AUTS2: variants seen among roughly 807,000 people sequenced by gnomAD.
AUTS2 encodes autism susceptibility gene 2 protein.
AUTS2 carries 17 observed loss-of-function variants against 112.4 expected under a neutral mutation model. The ratio of observed to expected loss-of-function variants is 0.15; its 90% confidence interval spans 0.10 to 0.23. The LOEUF (loss-of-function observed/expected upper bound fraction) is 0.23, where lower values mean the gene tolerates loss of function less well. Among genes scored for constraint, AUTS2 ranks in the 10% least tolerant of loss-of-function variants. The probability of loss-of-function intolerance (pLI) is 1.00; values close to 1 mark genes in which losing one functional copy is unlikely to be tolerated. For synonymous variants in AUTS2, 751 were observed against 702.7 expected, an observed-to-expected ratio of 1.07 and a Z score of -1.09; for missense variants, 1,510 against 1,701.6, an observed-to-expected ratio of 0.89 and a Z score of 1.98.
At chr7:70,656,000 C>T (rs1806750684) in intron 5 of AUTS2, among the ~76,000 whole-genome samples, 1 of 152,156 alleles carries the variant, frequency 6.6e-6, no homozygotes, top group Non-Finnish European at 1.5e-5. Context: ...TGATGCCCAC[C>T]AGGATCGAGC....
chr7:70,064,367 G>A (rs775912346), intron 2 of AUTS2, among the ~76,000 whole-genome samples: 3 of 152,224 alleles, frequency 2.0e-5, no homozygotes, highest in South Asian at 4.1e-4. Context: ...CTTTTATAAC[G>A]GGGTCAGCTC....
At chr7:69,723,864 G>A (rs906348955) in intron 1 of AUTS2, among the ~76,000 whole-genome samples, 6 of 152,182 alleles carry the variant, frequency 3.9e-5, no homozygotes, top group African/African-American at 1.4e-4. Flanking sequence ...TGGATGAGTA[G>A]TCTTAGTCTG....
intron 5 of AUTS2, among the ~76,000 whole-genome samples, chr7:70,440,648 G>T (rs890980724): frequency 2.0e-5 from 3 of 152,214 alleles, no homozygotes; most frequent in African/African-American, 7.2e-5. Flanking sequence ...CCTGGACACA[G>T]GCTGAATGGA....
intron 5 of AUTS2, among the ~76,000 whole-genome samples, chr7:70,498,004 G>A (rs1040921003): frequency 1.3e-5 from 2 of 152,236 alleles, no homozygotes; most frequent in Admixed American, 6.5e-5. Context: ...CATAATGCAT[G>A]TGTCAGATGG....
intron 5 of AUTS2, among the ~76,000 whole-genome samples, chr7:70,496,811 C>T (rs1364848971): frequency 1.2e-4 from 16 of 128,022 alleles, no homozygotes; most frequent in African/African-American, 2.4e-4. Context: ...CACATGCACA[C>T]GTCACATCAG....
At chr7:70,039,180 G>A (rs991711163) in intron 2 of AUTS2, among the ~76,000 whole-genome samples, 3 of 152,052 alleles carry the variant, frequency 2.0e-5, no homozygotes, top group African/African-American at 4.8e-5. Context: ...AGCAACCCAC[G>A]AATTTTACCT....
rs149287210 is a variant in AUTS2, at chr7:70,761,381, G to A, written c.743-1489G>A. Among the ~76,000 whole-genome samples the A allele has an allele frequency of 5.9e-3, 893 of 152,318 alleles. 12 individuals are homozygous for A. The highest frequency in any genetic ancestry group is 0.02 in the African/African-American group (839 of 41,572). On this transcript the variant is annotated intron_variant, in intron 6 of 18. Coordinates refer to ENST00000342771, the MANE Select transcript of AUTS2 (RefSeq NM_015570.4). ...AACAAGAATACCACATACTTTTCCC[G>A]TTTGATACAATGAGGTAAGAGGAGA...
intron 4 of AUTS2, among the ~76,000 whole-genome samples, chr7:70,381,220 TA>T (rs1793353601): frequency 6.6e-6 from 1 of 152,168 alleles, no homozygotes; most frequent in African/African-American, 2.4e-5. Context: ...ATTCACAAGA[TA>T]AAGAAGAGGG....
chr7:69,864,274 TC>T (rs1225664853), intron 1 of AUTS2, among the ~76,000 whole-genome samples: 2 of 152,178 alleles, frequency 1.3e-5, no homozygotes, highest in Admixed American at 1.3e-4. Flanking sequence ...GTTCTTTTTT[TC>T]CCCCTACGGT....
At chr7:70,376,019 TAAA>T (rs536175849) in intron 4 of AUTS2, among the ~76,000 whole-genome samples, 2 of 141,534 alleles carry the variant, frequency 1.4e-5, no homozygotes, top group Non-Finnish European at 3.1e-5. Context: ...TTTTTGTCGT[TAAA>T]AAAAAAAAAA....
In AUTS2 at chr7:70,789,745, C is replaced by T; in HGVS notation, c.2532-3C>T. The T allele has an allele frequency of 6.2e-7, 1 of 1,608,920 alleles. No individual in the cohort carries two copies. The highest frequency in any genetic ancestry group is 1.3e-5 in the African/African-American group (1 of 74,916). ...CGTCCTTGTCTTCCCCTCTCTCCCCCAGGGAAAGCGTCGAGAAGAGACACT... is the reference window on the plus strand; with the variant it reads ...CGTCCTTGTCTTCCCCTCTCTCCCCTAGGGAAAGCGTCGAGAAGAGACACT... On this transcript the variant is annotated splice_polypyrimidine_tract_variant and splice_region_variant and intron_variant, in intron 18 of 18. Coordinates refer to ENST00000342771, the MANE Select transcript of AUTS2 (RefSeq NM_015570.4).
chr7:69,866,639 A>T (rs914063487), intron 1 of AUTS2, among the ~76,000 whole-genome samples: 22 of 152,212 alleles, frequency 1.4e-4, no homozygotes, highest in African/African-American at 5.3e-4. Flanking sequence ...CAGAGCAAGC[A>T]AAGTTCTGGA....
At chr7:70,374,826 G>C (rs1015958582) in intron 4 of AUTS2, among the ~76,000 whole-genome samples, 2 of 152,116 alleles carry the variant, frequency 1.3e-5, no homozygotes, top group Non-Finnish European at 2.9e-5. Context: ...TTTGAGGTCA[G>C]TGTGTGTGTG....
intron 2 of AUTS2, among the ~76,000 whole-genome samples, chr7:69,926,365 T>C (rs1796007786): frequency 1.3e-5 from 2 of 152,168 alleles, no homozygotes; most frequent in Admixed American, 6.5e-5. Flanking sequence ...ATTGATTGAT[T>C]GATCCCTTTA....
chr7:69,690,782 TG>T (rs1465679092), intron 1 of AUTS2, among the ~76,000 whole-genome samples: 2 of 152,206 alleles, frequency 1.3e-5, no homozygotes, highest in Non-Finnish European at 2.9e-5. Context: ...ATGTGGCTAT[TG>T]GGGGTTGTGT....
chr7:69,784,082 A>G (rs1789260472), intron 1 of AUTS2, among the ~76,000 whole-genome samples: 1 of 152,096 alleles, frequency 6.6e-6, no homozygotes, highest in Admixed American at 6.5e-5. Flanking sequence ...TAGCCATTAA[A>G]CTACCCAAAA....
At chr7:70,634,856 C>T (rs764861641) in intron 5 of AUTS2, among the ~76,000 whole-genome samples, 1 of 152,148 alleles carries the variant, frequency 6.6e-6, no homozygotes, top group East Asian at 1.9e-4. Flanking sequence ...CTGCACATTG[C>T]GGAAACTGTT....
chr7:70,030,997 C>G lies in AUTS2; in HGVS notation c.523-87135C>G, dbSNP rs576637976. On this transcript the variant is annotated intron_variant, in intron 2 of 18. Transcript: ENST00000342771. ...GTGGTGTAAAACTATCTTTTAGGAG[C>G]CACAAAATGCTATTCTTTTACTTGT... 8.5e-5 allele frequency among the ~76,000 whole-genome samples: 13 copies of G among 152,066 alleles called. No individual in the cohort carries two copies. The South Asian group carries it at 2.3e-3, about 27-fold the overall frequency.
Position 69,930,903 on chromosome 7 carries a change from G to T in AUTS2, c.522+31405G>T, listed in dbSNP as rs1274873886. ...TGTCAGAATAGTTATAAGTTTTGGT[G>T]CCCTATCCCAGTGCCATCTTTAAGG... On this transcript the variant is annotated intron_variant, in intron 2 of 18. Coordinates refer to ENST00000342771, the MANE Select transcript of AUTS2 (RefSeq NM_015570.4). 2.0e-5 allele frequency among the ~76,000 whole-genome samples: 3 copies of T among 152,250 alleles called. No homozygotes were observed. In the East Asian group the frequency reaches 5.8e-4, roughly 29 times the overall value.
Sources: allele counts gnomAD v4.1 joint callset (sites outside exome capture counted in the v4.1 genomes callset), GRCh38; gene constraint gnomAD v4.1.1; transcripts MANE v1.5; gene names NCBI Gene and HGNC (gene_info 2026-07-23, HGNC 2026-07-21).